Variants in EYS observed in about 807,000 individuals in gnomAD.
EYS encodes the protein protein eyes shut homolog.
EYS carries 250 observed loss-of-function variants against 282.1 expected under a neutral mutation model. The observed-to-expected ratio is 0.89, with a 90% CI of 0.80 to 0.98. The LOEUF (loss-of-function observed/expected upper bound fraction) is 0.98, where lower values mean the gene tolerates loss of function less well. Among genes scored for constraint, EYS ranks in the 50% least tolerant of loss-of-function variants. EYS has a pLI of 0.00. For missense variants in EYS, 4,016 were observed against 3,709.0 expected (o/e 1.08, Z -2.15); for synonymous variants, 1,355 against 1,282.9 (o/e 1.06, Z -1.20).
Position 65,074,223 on chromosome 6 carries a change from G to C in EYS, c.2024-16496C>G, listed in dbSNP as rs529225428. On this transcript the variant is annotated intron_variant, in intron 12 of 42. Coordinates refer to ENST00000503581, the MANE Select transcript of EYS (RefSeq NM_001142800.2). ...TGAGACTACAATATGCCGACTCTATGGTAAATACTGGTCCTGAACTCTGTA... is the reference window on the plus strand; with the variant it reads ...TGAGACTACAATATGCCGACTCTATCGTAAATACTGGTCCTGAACTCTGTA... Among the ~76,000 whole-genome samples the C allele has an allele frequency of 1.1e-3, 168 of 152,034 alleles. 1 individual carries two copies. The highest frequency in any genetic ancestry group is 3.9e-3 in the African/African-American group (161 of 41,500).
intron 15 of EYS, among the ~76,000 whole-genome samples, chr6:64,932,462 G>A (rs1320048525): frequency 6.6e-6 from 1 of 152,056 alleles, no homozygotes; most frequent in African/African-American, 2.4e-5. Context: ...AATAATTCCA[G>A]TTGAGGGCAA....
chr6:64,788,180 G>T (rs981446429), intron 22 of EYS, among the ~76,000 whole-genome samples: 1 of 152,078 alleles, frequency 6.6e-6, no homozygotes, highest in Non-Finnish European at 1.5e-5. Context: ...AGTTATTTAG[G>T]CATTTACAGA....
At chr6:64,878,101 C>T (rs1445692775) in intron 19 of EYS, among the ~76,000 whole-genome samples, 4 of 151,992 alleles carry the variant, frequency 2.6e-5, no homozygotes, top group Middle Eastern at 3.4e-3. Context: ...GGTGTGGTGG[C>T]GAGCACCCGT....
intron 14 of EYS, among the ~76,000 whole-genome samples, chr6:64,982,145 T>A (rs540175603): frequency 1.1e-4 from 17 of 151,332 alleles, no homozygotes; most frequent in Middle Eastern, 3.2e-3. Flanking sequence ...GTAAGCACAA[T>A]CAATGTTACA....
At chr6:64,176,802 G>A (rs1483523392) in intron 31 of EYS, among the ~76,000 whole-genome samples, 1 of 151,858 alleles carries the variant, frequency 6.6e-6, no homozygotes, top group Non-Finnish European at 1.5e-5. Context: ...AATTGTTTGA[G>A]GTTCTCTGTT....
At chr6:65,300,279 C>G (rs1214523703) in intron 11 of EYS, among the ~76,000 whole-genome samples, 1 of 152,064 alleles carries the variant, frequency 6.6e-6, no homozygotes, top group Admixed American at 6.6e-5. Flanking sequence ...GAGGCTTTAC[C>G]GCCTGTCTTC....
chr6:65,372,967 TA>T (rs1482371306), intron 8 of EYS, among the ~76,000 whole-genome samples: 1 of 152,106 alleles, frequency 6.6e-6, no homozygotes, highest in Non-Finnish European at 1.5e-5. Context: ...AAATGCATAT[TA>T]AAAAAGAAAT....
At chr6:65,262,108 C>T (rs542611765) in intron 12 of EYS, among the ~76,000 whole-genome samples, 55 of 152,120 alleles carry the variant, frequency 3.6e-4, no homozygotes, top group African/African-American at 1.3e-3. Flanking sequence ...TGATTTAGTT[C>T]TAAATAGCTC....
chr6:64,388,599 A>G, intron 29 of EYS, 91 bp downstream of exon 29: 4 of 1,252,278 alleles, frequency 3.2e-6, no homozygotes, highest in Non-Finnish European at 3.2e-6. Context: ...GCCAGAAAAT[A>G]TTTCTAAAGT....
chr6:63,863,523 G>C (rs1331762807), intron 36 of EYS, among the ~76,000 whole-genome samples: 3 of 151,872 alleles, frequency 2.0e-5, no homozygotes, highest in Admixed American at 2.0e-4. Flanking sequence ...GAAATAATTT[G>C]ATTTTATATA....
At chr6:63,906,149 C>T (rs536268341) in intron 35 of EYS, among the ~76,000 whole-genome samples, 2 of 152,282 alleles carry the variant, frequency 1.3e-5, no homozygotes, top group South Asian at 4.1e-4. Flanking sequence ...AGGGTGTCTA[C>T]CTCAATTCTT....
intron 12 of EYS, among the ~76,000 whole-genome samples, chr6:65,256,270 TTTTC>T (rs1347337379): frequency 1.4e-5 from 2 of 138,404 alleles, no homozygotes; most frequent in Admixed American, 1.5e-4. Flanking sequence ...TTCTTTTTTT[TTTTC>T]TTTTTTTTTT....
chr6:65,006,503 C>CAAAACAAAAA (rs1771665844), intron 13 of EYS, among the ~76,000 whole-genome samples: 1 of 83,300 alleles, frequency 1.2e-5, no homozygotes, highest in African/African-American at 4.8e-5. Context: ...TATTCTAAGT[C>CAAAACAAAAA]AAAAAAAAAA....
At chr6:64,731,710 G>T (rs767982705) in intron 22 of EYS, among the ~76,000 whole-genome samples, 1 of 152,196 alleles carries the variant, frequency 6.6e-6, no homozygotes, top group Admixed American at 6.5e-5. Flanking sequence ...TACGCTGTTG[G>T]TGGGAATGTA....
intron 36 of EYS, among the ~76,000 whole-genome samples, chr6:63,859,075 GTTTTTTTTTTTTTTTTTTT>G (rs745344580): frequency 2.3e-4 from 11 of 47,914 alleles, no homozygotes; most frequent in African/African-American, 4.5e-4. Flanking sequence ...GTCCTAGAGA[GTTTTTTTTTTTTTTTTTTT>G]TTTTTTTTTT....
chr6:64,503,774 A>G (rs1014552325), intron 26 of EYS, among the ~76,000 whole-genome samples: 3 of 128,086 alleles, frequency 2.3e-5, no homozygotes, highest in African/African-American at 9.7e-5. Context: ...CTGTGTCCAC[A>G]CCTAAATATC....
chr6:64,189,145 A>AG (rs11376760), intron 31 of EYS, among the ~76,000 whole-genome samples: 87,388 of 152,092 alleles, frequency 0.57, 26,381 homozygotes, highest in Non-Finnish European at 0.68. Context: ...AGCTGTCATC[A>AG]GCACCAGTTA....
intron 5 of EYS, among the ~76,000 whole-genome samples, chr6:65,422,818 A>G (rs1767516530): frequency 6.6e-6 from 1 of 151,584 alleles, no homozygotes; most frequent in African/African-American, 2.4e-5. Flanking sequence ...ACATATATAT[A>G]TATACATATA....
chr6:65,175,069 GA>G (rs1765193833), intron 12 of EYS, among the ~76,000 whole-genome samples: 1 of 151,122 alleles, frequency 6.6e-6, no homozygotes, highest in African/African-American at 2.4e-5. Context: ...AGGTTTTAAT[GA>G]AAAAGTCTCT....
Sources: allele counts gnomAD v4.1 joint callset (sites outside exome capture counted in the v4.1 genomes callset), GRCh38; gene constraint gnomAD v4.1.1; transcripts MANE v1.5; gene names NCBI Gene and HGNC (gene_info 2026-07-23, HGNC 2026-07-21).